The following DMTF1 variants were observed in gnomAD, a reference collection of about 807,000 sequenced individuals.
DMTF1 encodes cyclin D binding myb like transcription factor 1.
A neutral mutation model predicts 91.1 loss-of-function variants in DMTF1; 39 were observed. That is an observed-to-expected ratio of 0.43 (90% CI 0.33 to 0.56). DMTF1 has a LOEUF of 0.56. DMTF1 is among the 20% of genes least tolerant of loss of function. The pLI, the probability that DMTF1 is intolerant of heterozygous loss-of-function variation, is 0.05. For synonymous variants in DMTF1, 338 were observed against 309.5 expected, an observed-to-expected ratio of 1.09 and a Z score of -0.97; for missense variants, 750 against 914.5, an observed-to-expected ratio of 0.82 and a Z score of 2.32.
intron 8 of DMTF1, among the ~76,000 whole-genome samples, chr7:87,180,866 T>TTTTTG (rs1797206449): frequency 6.7e-6 from 1 of 149,550 alleles, no homozygotes; most frequent in East Asian, 1.9e-4. Context: ...CTTTTTTTTT[T>TTTTTG]TTTTTTTTTT....
chr7:87,162,416 C>T (rs1224518291), intron 1 of DMTF1, among the ~76,000 whole-genome samples: 1 of 152,114 alleles, frequency 6.6e-6, no homozygotes, highest in Non-Finnish European at 1.5e-5. Context: ...GTTTCCTTCA[C>T]ACTTTTCAAT....
intron 7 of DMTF1, among the ~76,000 whole-genome samples, chr7:87,175,131 C>T (rs1408798213): frequency 6.6e-6 from 1 of 151,860 alleles, no homozygotes. Flanking sequence ...CTATATTCTC[C>T]TGCCTCAGCC....
chr7:87,177,746 T>A (rs1051212948), intron 7 of DMTF1, among the ~76,000 whole-genome samples: 1 of 152,158 alleles, frequency 6.6e-6, no homozygotes, highest in Non-Finnish European at 1.5e-5. Context: ...TTGCTGTAGG[T>A]GTGAGATATA....
chr7:87,186,033 C>T, intron 12 of DMTF1, 53 bp downstream of exon 12: 1 of 1,593,142 alleles, frequency 6.3e-7, no homozygotes, highest in Non-Finnish European at 8.6e-7. Flanking sequence ...CATATTTACT[C>T]CTTAGGAGTG....
rs1584236159 is a variant in DMTF1, at chr7:87,163,540, A to G, written c.-86A>G. On this transcript the variant is annotated 5_prime_UTR_variant, in exon 2 of 18. The change abolishes an upstream ATG in the 5' untranslated region. Coordinates refer to ENST00000331242, the MANE Select transcript of DMTF1 (RefSeq NM_001142327.2). ...ATGGGAGAGAAACAATCTGGGTAACATGAAAGTGATGCTGGTTGCTAAGGG... is the reference window on the plus strand; with the variant it reads ...ATGGGAGAGAAACAATCTGGGTAACGTGAAAGTGATGCTGGTTGCTAAGGG... 6.6e-6 allele frequency: 1 copy of G among 152,384 alleles called. No homozygotes were observed. The highest frequency in any genetic ancestry group is 2.1e-4 in the South Asian group (1 of 4,828). The allele number at this position is 152,384 out of a possible 1,614,324, so 9.4% of individuals were successfully genotyped here. A position where few individuals can be genotyped will look rare whatever the true frequency, so the allele number is the denominator to read the frequency against.
chr7:87,193,094 C>T (rs1478229684), intron 14 of DMTF1, 104 bp from the exon 15 acceptor site: 5 of 1,246,638 alleles, frequency 4.0e-6, no homozygotes, highest in Non-Finnish European at 5.7e-6. Flanking sequence ...TTCGCACCTT[C>T]ACAATGGGTA....
chr7:87,161,561 C>T (rs1792415481), intron 1 of DMTF1, among the ~76,000 whole-genome samples: 1 of 152,090 alleles, frequency 6.6e-6, no homozygotes, highest in Non-Finnish European at 1.5e-5. Context: ...CCAGTACCTG[C>T]ATATAGTAGA....
chr7:87,193,055 G>C, intron 14 of DMTF1, 143 bp from the exon 15 acceptor site: 2 of 760,418 alleles, frequency 2.6e-6, no homozygotes, highest in Non-Finnish European at 4.2e-6. Flanking sequence ...AATGACTTGA[G>C]ACGATTATGC....
intron 1 of DMTF1, among the ~76,000 whole-genome samples, chr7:87,153,106 T>G (rs1334705070): frequency 1.3e-5 from 2 of 152,168 alleles, no homozygotes; most frequent in Non-Finnish European, 1.5e-5. Flanking sequence ...TTTGCTTTTT[T>G]GTTCTTTTCC....
intron 16 of DMTF1, 137 bp from the exon 17 acceptor site, chr7:87,194,547 G>A: frequency 3.3e-6 from 2 of 602,432 alleles, no homozygotes; most frequent in Non-Finnish European, 5.5e-6. Flanking sequence ...TTGTCCCTGT[G>A]AGACCTTAAC....
intron 4 of DMTF1, among the ~76,000 whole-genome samples, chr7:87,167,382 AGT>A (rs1794071318): frequency 1.3e-5 from 2 of 152,318 alleles, no homozygotes; most frequent in African/African-American, 4.8e-5. Flanking sequence ...CTTAGCAAAG[AGT>A]GTGGAGTGTT....
chr7:87,162,181 C>T (rs924457191), intron 1 of DMTF1, among the ~76,000 whole-genome samples: 8 of 152,160 alleles, frequency 5.3e-5, no homozygotes, highest in Non-Finnish European at 1.0e-4. Context: ...TGCAGCCATC[C>T]TCCCACCTCA....
chr7:87,158,845 CA>C (rs1791471428), intron 1 of DMTF1, among the ~76,000 whole-genome samples: 1 of 152,002 alleles, frequency 6.6e-6, no homozygotes, highest in South Asian at 2.1e-4. Context: ...ATGATTCAAA[CA>C]ACAAGTAATG....
rs1797971948 is a variant in DMTF1, at chr7:87,184,306, C to T, written c.821-91C>T. 4 of 1,200,418 alleles carry T rather than the reference C, an allele frequency of 3.3e-6. No homozygotes were observed. In the South Asian group the frequency reaches 5.6e-5, roughly 17 times the overall value. 74.4% of individuals were successfully genotyped at this position (1,200,418 alleles called of 1,614,324 possible). A position where few individuals can be genotyped will look rare whatever the true frequency, so the allele number is the denominator to read the frequency against. ...CAGAAACAAACTCTTAGTACTATTG[C>T]TTACTTCCTATCAGTCCTTGTAAAT... is the stretch of plus-strand genomic sequence containing the variant. On this transcript the variant is annotated intron_variant, in intron 10 of 17. Coordinates refer to ENST00000331242, the MANE Select transcript of DMTF1 (RefSeq NM_001142327.2).
chr7:87,154,066 T>A (rs1790043910), intron 1 of DMTF1, among the ~76,000 whole-genome samples: 1 of 152,240 alleles, frequency 6.6e-6, no homozygotes, highest in African/African-American at 2.4e-5. Context: ...TTTTTGCTCT[T>A]ATGGTGTACT....
chr7:87,166,423 T>G (rs1793842567), intron 3 of DMTF1, 60 bp from the exon 4 acceptor site: 1 of 1,549,350 alleles, frequency 6.5e-7, no homozygotes, highest in African/African-American at 1.4e-5. Context: ...GAGCCATTGT[T>G]AGAGATTTTA....
intron 4 of DMTF1, among the ~76,000 whole-genome samples, chr7:87,169,548 A>G (rs777158108): frequency 6.6e-5 from 10 of 151,972 alleles, no homozygotes; most frequent in South Asian, 2.1e-4. Flanking sequence ...AAAATTGCCT[A>G]TATTTGCCTT....
At position 87,185,385 on chromosome 7, in the gene DMTF1, A is replaced by ATT. The variant is rs113684611; in HGVS notation, c.1050-436_1050-435dup. On this transcript the variant is annotated intron_variant, in intron 11 of 17. Coordinates refer to ENST00000331242, the MANE Select transcript of DMTF1 (RefSeq NM_001142327.2). ...TTGCTTTTGTGTTATTTTGTTTTGGATTTTTTTTTCAACTAGTCATCTTTA... is the reference window on the plus strand; with the variant it reads ...TTGCTTTTGTGTTATTTTGTTTTGGATTTTTTTTTTTCAACTAGTCATCTTTA... Among the ~76,000 whole-genome samples the ATT allele has an allele frequency of 2.6e-5, 4 of 151,276 alleles. 1 individual carries two copies. The highest frequency in any genetic ancestry group is 9.7e-5 in the African/African-American group (4 of 41,244).
chr7:87,182,272 C>T lies in DMTF1; in HGVS notation c.755C>T (p.Ala252Val), dbSNP rs530127686. ...AATGACTGGGCAACAATAGGGGCGG[C>T]GCTAGGAAGAAGTGCATCTTCTGTC... ...HGNDWATIGA[A>V]LGRSASSVKD... Residue 252 changes from alanine (A) to valine (V), a missense_variant, in exon 10 of 18, where the codon GCG becomes GTG. This residue lies in a region of DMTF1 where 190 missense variants were observed against 343.8 expected (regional missense o/e 0.55). Coordinates refer to ENST00000331242, the MANE Select transcript of DMTF1 (RefSeq NM_001142327.2). The T allele has an allele frequency of 2.0e-5, 32 of 1,613,958 alleles. No homozygotes were observed. The highest frequency in any genetic ancestry group is 1.3e-5 in the African/African-American group (1 of 74,910).
Sources: allele counts gnomAD v4.1 joint callset (sites outside exome capture counted in the v4.1 genomes callset), GRCh38; gene constraint gnomAD v4.1.1; regional missense constraint gnomAD v4.1.1; transcripts MANE v1.5; gene names NCBI Gene and HGNC (gene_info 2026-07-23, HGNC 2026-07-21).